The following SPACA6 variants were observed in gnomAD, a reference collection of about 807,000 sequenced individuals.
SPACA6 encodes the protein sperm acrosome associated 6, also known as sperm acrosome membrane-associated protein 6.
For synonymous variants in SPACA6, 6 were observed against 1.5 expected, an observed-to-expected ratio of 4.05 and a Z score of -2.21; for missense variants, 8 against 2.8, an observed-to-expected ratio of 2.88 and a Z score of -1.34.
downstream of SPACA6, among the ~76,000 whole-genome samples, chr19:51,705,844 C>T (rs1189306715): frequency 6.6e-6 from 1 of 151,952 alleles, no homozygotes; most frequent in African/African-American, 2.4e-5. Flanking sequence ...TTACAGGTGC[C>T]CACCACCACA....
rs1454216328 is a variant in SPACA6 at position 51,701,274 on chromosome 19, G to C, written c.293-384G>C. On this transcript the variant is annotated intron_variant, in intron 2 of 8. Coordinates refer to ENST00000637797, the MANE Select transcript of SPACA6 (RefSeq NM_001316972.2). Reference sequence around the variant, plus strand: ...GGGCAGTAGGGATGGGACAGGGAGGGAGGGGGAACTAGGCCAAACCATGTA... The same window carrying C: ...GGGCAGTAGGGATGGGACAGGGAGGCAGGGGGAACTAGGCCAAACCATGTA... Among the ~76,000 whole-genome samples, 5 of 152,066 alleles carry C rather than the reference G, an allele frequency of 3.3e-5. No homozygotes were observed. In the East Asian group the frequency reaches 9.6e-4, roughly 29 times the overall value.
chr19:51,700,699 G>A (rs2083462252), intron 2 of SPACA6, among the ~76,000 whole-genome samples: 2 of 152,072 alleles, frequency 1.3e-5, no homozygotes, highest in Non-Finnish European at 2.9e-5. Flanking sequence ...AGAAGAACAT[G>A]TTTATTTACT....
chr19:51,698,206 T>A (rs1262707589), intron 2 of SPACA6, among the ~76,000 whole-genome samples: 4 of 152,112 alleles, frequency 2.6e-5, no homozygotes, highest in Non-Finnish European at 5.9e-5. Flanking sequence ...GATACTCAGA[T>A]CTGAGACAGG....
chr19:51,692,886 G>C (rs369974758), upstream of SPACA6: 1 of 533,334 alleles, frequency 1.9e-6, no homozygotes, highest in South Asian at 1.4e-5. This position sits in a 1 kb window ranked among gnomAD's most constrained non-coding sequence, Gnocchi z 5.6. Flanking sequence ...ACGGGACGGG[G>C]CCCGGCGGGG....
chr19:51,704,971 C>T (rs2083506897), intron 8 of SPACA6, 119 bp from the exon 9 acceptor site: 7 of 398,360 alleles, frequency 1.8e-5, no homozygotes, highest in Middle Eastern at 6.8e-4. Context: ...GCCCCCTCCT[C>T]CCTCAGAACC....
chr19:51,708,227 GA>G (rs2083525107), downstream of SPACA6, among the ~76,000 whole-genome samples: 1 of 152,138 alleles, frequency 6.6e-6, no homozygotes, highest in Non-Finnish European at 1.5e-5. Flanking sequence ...AAATTCAAGA[GA>G]TTAGGAGCTC....
At chr19:51,687,399 T>C (rs752137166), upstream of SPACA6, 2 of 149,356 alleles carry the variant, frequency 1.3e-5, no homozygotes, top group African/African-American at 2.5e-5. Context: ...TAGGAATAAA[T>C]AGATGAATAC....
rs965725511 is a variant in SPACA6, at chr19:51,703,604, C to G, written c.573+267C>G. On this transcript the variant is annotated intron_variant, in intron 6 of 8. Transcript: ENST00000637797. The surrounding 1 kb of genome is among the most constrained non-coding windows in gnomAD (Gnocchi z 4.2). The stretch of plus-strand genomic sequence containing the variant: ...TTGAGCCCAGGAGTTTGAGACCGGC[C>G]TCGGCAACAAATTAAGACCCCTCCT... Among the ~76,000 whole-genome samples, 3 of 152,074 alleles carry G rather than the reference C, an allele frequency of 2.0e-5. No individual in the cohort carries two copies. The highest frequency in any genetic ancestry group is 4.8e-5 in the African/African-American group (2 of 41,416).
upstream of SPACA6, among the ~76,000 whole-genome samples, chr19:51,692,093 G>A (rs2083378822): frequency 6.6e-6 from 1 of 152,048 alleles, no homozygotes; most frequent in South Asian, 2.1e-4. This position sits in a 1 kb window ranked among gnomAD's most constrained non-coding sequence, Gnocchi z 5.6. Context: ...GGAGGAGAGA[G>A]GAAAGAAAGC....
intron 2 of SPACA6, among the ~76,000 whole-genome samples, chr19:51,695,173 T>TG (rs1246421052): frequency 6.6e-6 from 1 of 152,086 alleles, no homozygotes; most frequent in Non-Finnish European, 1.5e-5. Flanking sequence ...ATCACTCAGG[T>TG]GACAGCAGTG....
intron 2 of SPACA6, among the ~76,000 whole-genome samples, chr19:51,697,256 C>T (rs1265957489): frequency 6.6e-6 from 1 of 152,150 alleles, no homozygotes; most frequent in Non-Finnish European, 1.5e-5. Context: ...TGGGATTTAA[C>T]AAGATCTCTC....
chr19:51,707,900 G>T (rs1455061423), downstream of SPACA6, among the ~76,000 whole-genome samples: 1 of 152,204 alleles, frequency 6.6e-6, no homozygotes, highest in African/African-American at 2.4e-5. Context: ...GTCCAGAAGG[G>T]TCCCAAGTGC....
At chr19:51,709,645 A>G (rs2083533209), downstream of SPACA6, among the ~76,000 whole-genome samples, 1 of 151,632 alleles carries the variant, frequency 6.6e-6, no homozygotes, top group Admixed American at 6.6e-5. Context: ...AAGAAATAAA[A>G]GATGAGCGTC....
At chr19:51,710,601 T>C (rs1265156540) in intron 2 of SPACA6, among the ~76,000 whole-genome samples, 1 of 152,204 alleles carries the variant, frequency 6.6e-6, no homozygotes, top group Non-Finnish European at 1.5e-5. Context: ...GCCTGGAATT[T>C]AAGGGCGAAG....
At position 51,701,656 on chromosome 19, in the gene SPACA6, A is replaced by C; in HGVS notation, c.293-2A>C. On this transcript the variant is annotated splice_acceptor_variant, in intron 2 of 8. Transcript: ENST00000637797. LOFTEE classifies it high-confidence loss of function. The stretch of plus-strand genomic sequence containing the variant: ...CAGGCCGTCCTCCCCTCCACTCTCC[A>C]GGATCCTTTGAGGTTGCCTTCCCTG... 1 of 398,802 alleles carries C rather than the reference A, an allele frequency of 2.5e-6. No homozygotes were observed. 24.7% of individuals were successfully genotyped at this position (398,802 alleles called of 1,614,324 possible).
Position 51,705,101 on chromosome 19 carries a change from G to A in SPACA6, c.953G>A (p.Arg318Gln), listed in dbSNP as rs2083508382. ...SATVLAWMFF[R>Q]WYCSGN ...CTTTGTTTCCCCAGGATGTTCTTTCGATGGTACTGCAGTGGCAACTAACAA... is the reference window on the plus strand; with the variant it reads ...CTTTGTTTCCCCAGGATGTTCTTTCAATGGTACTGCAGTGGCAACTAACAA... The change falls in exon 9 of 9, where the codon CGA (arginine) becomes CAA (glutamine). Residue 318 changes from arginine to glutamine, a missense_variant. By Grantham distance (43) the Arg-to-Gln change is conservative. Transcript: ENST00000637797. 8 of 401,140 alleles carry A rather than the reference G, an allele frequency of 2.0e-5. No individual in the cohort carries two copies. The highest frequency in any genetic ancestry group is 3.1e-5 in the Non-Finnish European group (7 of 226,290). 24.8% of individuals were successfully genotyped at this position (401,140 alleles called of 1,614,324 possible). A position where few individuals can be genotyped will look rare whatever the true frequency, so the allele number is the denominator to read the frequency against.
chr19:51,704,067 C>G lies in SPACA6; in HGVS notation c.611C>G (p.Pro204Arg). Residue 204 changes from proline to arginine, a missense_variant, in exon 7 of 9, where the codon CCG becomes CGG. Physicochemically the swap from Pro to Arg is moderately radical, Grantham distance 103 (BLOSUM62 -2). Coordinates refer to ENST00000637797, the MANE Select transcript of SPACA6 (RefSeq NM_001316972.2). The part of the protein sequence containing the change: ...TQDLSYFRDM[P>R]RAEGYLARIR... ...GACTTGTCCTATTTCCGAGATATGC[C>G]GCGGGCCGAAGGATACCTGGCGCGG... 5.0e-6 allele frequency: 2 copies of G among 401,212 alleles called. No homozygotes were observed. The highest frequency in any genetic ancestry group is 8.8e-6 in the Non-Finnish European group (2 of 226,232). The allele number at this position is 401,212 out of a possible 1,614,324, so 24.9% of individuals were successfully genotyped here.
Position 51,702,635 on chromosome 19 carries a change from C to T in SPACA6, c.368C>T (p.Ala123Val), listed in dbSNP as rs2122221191. 1 of 399,246 alleles carries T rather than the reference C, an allele frequency of 2.5e-6. No homozygotes were observed. The highest frequency in any genetic ancestry group is 3.6e-5 in the East Asian group (1 of 28,070). The allele number at this position is 399,246 out of a possible 1,614,324, so 24.7% of individuals were successfully genotyped here. The change falls in exon 4 of 9, where the codon GCT (alanine) becomes GTT (valine). Residue 123 changes from alanine to valine, a missense_variant. Coordinates refer to ENST00000637797, the MANE Select transcript of SPACA6 (RefSeq NM_001316972.2). ...KVITQLKEAQ[A>V]CIPPCGLQEF... ...GTTTCCTCTTCCTCCACAGCCCAGGCTTGCATCCCTCCCTGCGGTAAGGAC... is the reference window on the plus strand; with the variant it reads ...GTTTCCTCTTCCTCCACAGCCCAGGTTTGCATCCCTCCCTGCGGTAAGGAC...
chr19:51,705,390 A>G (rs1176718735), downstream of SPACA6: 2 of 323,762 alleles, frequency 6.2e-6, no homozygotes, highest in East Asian at 4.7e-5. Context: ...AGGCACCCTC[A>G]AATAGAGTCC....
Sources: allele counts gnomAD v4.1 joint callset (sites outside exome capture counted in the v4.1 genomes callset), GRCh38; gene constraint gnomAD v4.1.1; non-coding constraint Gnocchi (gnomAD v3.1); transcripts MANE v1.5; gene names NCBI Gene and HGNC (gene_info 2026-07-23, HGNC 2026-07-21).